The following CEP55 variants were observed in gnomAD, a reference collection of about 807,000 sequenced individuals.
The protein encoded by CEP55 is centrosomal protein 55.
Under a neutral mutation model 63.2 loss-of-function variants are expected in CEP55, and 57 were observed. The observed-to-expected ratio is 0.90, with a 90% confidence interval of 0.73 to 1.13. The LOEUF (loss-of-function observed/expected upper bound fraction) is 1.13. CEP55 is among the 50% of genes most tolerant of loss of function. CEP55 has a pLI of 0.00. For synonymous variants in CEP55, 178 were observed against 191.6 expected (o/e 0.93, Z 0.59); for missense variants, 456 against 518.9 (o/e 0.88, Z 1.18).
At position 93,519,689 on chromosome 10, in the gene CEP55, C is replaced by A. The variant is rs143703545; in HGVS notation, c.1073C>A (p.Ala358Glu). The A allele has an allele frequency of 2.5e-5, 41 of 1,613,970 alleles. No individual in the cohort carries two copies. The highest frequency in any genetic ancestry group is 6.7e-5 in the Admixed American group (4 of 60,000). ...RVALLEQQMQ[A>E]CTLDFENEKL... is the part of the protein sequence containing the mutation. Reference sequence around the variant, plus strand: ...GTTCTGGGCCTTTTCCAGATGCAGGCATGTACTTTAGACTTTGAAAATGAA... The same window carrying A: ...GTTCTGGGCCTTTTCCAGATGCAGGAATGTACTTTAGACTTTGAAAATGAA... Residue 358 changes from alanine to glutamate, a missense_variant, in exon 8 of 9, where the codon GCA (alanine) becomes GAA (glutamate). Ala to Glu is a moderately radical substitution (Grantham distance 107). Coordinates refer to ENST00000371485, the MANE Select transcript of CEP55 (RefSeq NM_018131.5).
chr10:93,515,266 A>G (rs1380360202), intron 4 of CEP55, 139 bp from the exon 5 acceptor site: 10 of 636,744 alleles, frequency 1.6e-5, no homozygotes, highest in Non-Finnish European at 2.7e-5. Flanking sequence ...AAGGCATGTA[A>G]CATAGAATGG....
chr10:93,519,414 T>C (rs192157482), intron 7 of CEP55, among the ~76,000 whole-genome samples: 1 of 152,300 alleles, frequency 6.6e-6, no homozygotes, highest in Admixed American at 6.5e-5. Flanking sequence ...TTAAAAAAGG[T>C]GGATAGGGAG....
chr10:93,507,316 T>C (rs1220110482), intron 4 of CEP55, among the ~76,000 whole-genome samples: 1 of 150,268 alleles, frequency 6.7e-6, no homozygotes, highest in South Asian at 2.2e-4. Context: ...CTCTGTCTCC[T>C]GGGTTCAAGC....
In CEP55 at chr10:93,500,150, A is replaced by C. The variant is rs780739537; in HGVS notation, c.99A>C (p.Glu33Asp). The C allele has an allele frequency of 6.2e-7, 1 of 1,613,914 alleles. No individual in the cohort carries two copies. Among genetic ancestry groups the C allele is most frequent in the Non-Finnish European group, 8.5e-7 (1 of 1,179,836 alleles). The change falls in exon 2 of 9, where the codon GAA becomes GAC. Residue 33 changes from glutamate to aspartate, a missense_variant. Physicochemically the swap from Glu to Asp is conservative, Grantham distance 45. Coordinates refer to ENST00000371485, the MANE Select transcript of CEP55 (RefSeq NM_018131.5). ...CTACATTAGAAAAATTAAAGGGAGA[A>C]ATTGCACACTTAAAGACATCAGTGG... is the stretch of plus-strand genomic sequence containing the variant. ...SETTLEKLKG[E>D]IAHLKTSVDE...
In CEP55 at chr10:93,528,936, C is replaced by T. The variant is rs188965147; in HGVS notation, c.*783C>T. The T allele has an allele frequency of 6.6e-6, 1 of 152,254 alleles. No homozygotes were observed. Among genetic ancestry groups the T allele is most frequent in the Admixed American group, 6.5e-5 (1 of 15,280 alleles). The allele number at this position is 152,254 out of a possible 1,614,324, so 9.4% of individuals were successfully genotyped here. On this transcript the variant is annotated 3_prime_UTR_variant, in exon 9 of 9. Coordinates refer to ENST00000371485, the MANE Select transcript of CEP55 (RefSeq NM_018131.5). Reference sequence around the variant, plus strand: ...TTAGTTATTTTTGGCATTCTTAAAGCTGGGCAATGTAATGATCAGATCTTT... The same window carrying T: ...TTAGTTATTTTTGGCATTCTTAAAGTTGGGCAATGTAATGATCAGATCTTT...
At chr10:93,522,476 G>A (rs1029932678) in intron 8 of CEP55, among the ~76,000 whole-genome samples, 5 of 152,256 alleles carry the variant, frequency 3.3e-5, no homozygotes, top group Non-Finnish European at 7.3e-5. Context: ...GTACCTGAAA[G>A]TGACGAGGAG....
chr10:93,505,018 G>T (rs12765217), intron 3 of CEP55, among the ~76,000 whole-genome samples: 79,722 of 151,708 alleles, frequency 0.53, 23,077 homozygotes, highest in Non-Finnish European at 0.65. Flanking sequence ...CAACATGTTG[G>T]CCAGGCTGGT....
At chr10:93,500,963 G>A (rs932272059) in intron 2 of CEP55, among the ~76,000 whole-genome samples, 1 of 152,058 alleles carries the variant, frequency 6.6e-6, no homozygotes, top group African/African-American at 2.4e-5. Flanking sequence ...ACTCGTTGAT[G>A]TACTTTAAGG....
At chr10:93,508,623 C>T (rs1212387499) in intron 4 of CEP55, among the ~76,000 whole-genome samples, 1 of 152,328 alleles carries the variant, frequency 6.6e-6, no homozygotes, top group Non-Finnish European at 1.5e-5. Flanking sequence ...ATTTACTCCA[C>T]CTGCACCACA....
intron 8 of CEP55, 55 bp from the exon 9 acceptor site, chr10:93,527,895 A>AG: frequency 6.7e-7 from 1 of 1,499,782 alleles, no homozygotes; most frequent in Non-Finnish European, 9.1e-7. Flanking sequence ...AGAAAAAAAA[A>AG]AAGCTGAACA....
intron 3 of CEP55, among the ~76,000 whole-genome samples, chr10:93,504,132 C>A (rs73323501): frequency 0.013 from 1,926 of 152,262 alleles, 43 homozygotes; most frequent in African/African-American, 0.044. Flanking sequence ...ATTGATCAGA[C>A]CTTTGATTCT....
chr10:93,497,550 G>A (rs1367526623), intron 1 of CEP55, among the ~76,000 whole-genome samples: 2 of 152,126 alleles, frequency 1.3e-5, no homozygotes, highest in Non-Finnish European at 2.9e-5. Context: ...ACAGGCGTGA[G>A]CCACCGCGCC....
chr10:93,519,017 G>T (rs1564767791), intron 7 of CEP55, 69 bp downstream of exon 7: 1 of 1,169,714 alleles, frequency 8.5e-7, no homozygotes, highest in Non-Finnish European at 1.3e-6. Context: ...TCATGTTTAT[G>T]CTGTTCTATG....
intron 6 of CEP55, 56 bp downstream of exon 6, chr10:93,517,304 A>G: frequency 1.4e-6 from 2 of 1,414,808 alleles, no homozygotes; most frequent in Non-Finnish European, 9.6e-7. Flanking sequence ...TCTAAGTGTC[A>G]GGGACTATTT....
intron 4 of CEP55, among the ~76,000 whole-genome samples, chr10:93,512,626 T>C (rs2057765369): frequency 6.6e-6 from 1 of 152,082 alleles, no homozygotes; most frequent in African/African-American, 2.4e-5. Flanking sequence ...TAAAATTAGG[T>C]ATCTTTAGTA....
At chr10:93,518,231 C>T (rs902823590) in intron 6 of CEP55, among the ~76,000 whole-genome samples, 3 of 151,982 alleles carry the variant, frequency 2.0e-5, no homozygotes, top group African/African-American at 4.8e-5. Context: ...CTCACTGTAA[C>T]CTCCACCTCC....
chr10:93,500,864 A>G (rs527808959), intron 2 of CEP55, among the ~76,000 whole-genome samples: 14 of 152,110 alleles, frequency 9.2e-5, no homozygotes, highest in African/African-American at 3.4e-4. Context: ...GCCTCAGGCA[A>G]TCCTCCTGCC....
At chr10:93,501,494 G>T (rs1282573175) in intron 2 of CEP55, among the ~76,000 whole-genome samples, 1 of 152,046 alleles carries the variant, frequency 6.6e-6, no homozygotes, top group Non-Finnish European at 1.5e-5. Flanking sequence ...TTCAAGACCA[G>T]CCTGGCCAAT....
At chr10:93,527,238 A>T (rs1241830621) in intron 8 of CEP55, among the ~76,000 whole-genome samples, 1 of 152,188 alleles carries the variant, frequency 6.6e-6, no homozygotes, top group African/African-American at 2.4e-5. Flanking sequence ...TATCTTAGTC[A>T]TTTCTGTGTA....
Sources: allele counts gnomAD v4.1 joint callset (sites outside exome capture counted in the v4.1 genomes callset), GRCh38; gene constraint gnomAD v4.1.1; transcripts MANE v1.5; gene names NCBI Gene and HGNC (gene_info 2026-07-23, HGNC 2026-07-21).